Variants in SPMAP2L observed in about 807,000 individuals in gnomAD.
SPMAP2L encodes sperm microtubule associated protein 2 like.
the SPMAP2L span, chr4:56,603,086 G>A: frequency 7.5e-6 from 4 of 535,164 alleles, no homozygotes; most frequent in Non-Finnish European, 1.3e-5. Context: ...TCTGTATAGT[G>A]GAGGTCATGA....
chr4:56,618,030 G>A, the SPMAP2L span, among the ~76,000 whole-genome samples: 1 of 152,248 alleles, frequency 6.6e-6, no homozygotes, highest in Admixed American at 6.5e-5. Context: ...TTGTGTCTCT[G>A]CCTTGCTAGG....
the SPMAP2L span, among the ~76,000 whole-genome samples, chr4:56,573,639 T>G: frequency 6.6e-6 from 1 of 152,146 alleles, no homozygotes; most frequent in African/African-American, 2.4e-5. Context: ...ATTCCCAAAC[T>G]GAACTGCCAT....
At chr4:56,619,187 A>T in the SPMAP2L span, among the ~76,000 whole-genome samples, 1 of 152,228 alleles carries the variant, frequency 6.6e-6, no homozygotes, top group African/African-American at 2.4e-5. Context: ...AAAGTTATGT[A>T]AATGTGGTTT....
the SPMAP2L span, chr4:56,593,229 T>C: frequency 3.1e-6 from 4 of 1,301,152 alleles, no homozygotes; most frequent in Non-Finnish European, 4.5e-6. Flanking sequence ...GGCCTGGACA[T>C]GGCCAGTGCA....
At chr4:56,611,643 T>C in the SPMAP2L span, among the ~76,000 whole-genome samples, 4 of 152,136 alleles carry the variant, frequency 2.6e-5, no homozygotes, top group African/African-American at 9.7e-5. Flanking sequence ...AGGCCACATA[T>C]GGCAACAGAA....
chr4:56,548,738 T>C, the SPMAP2L span: 2 of 1,295,880 alleles, frequency 1.5e-6, no homozygotes, highest in Non-Finnish European at 2.1e-6. Flanking sequence ...CTTAATCATA[T>C]CTTTGATTCC....
the SPMAP2L span, among the ~76,000 whole-genome samples, chr4:56,600,097 C>CT: frequency 0.015 from 1,301 of 87,766 alleles, 81 homozygotes; most frequent in African/African-American, 0.03. Flanking sequence ...TCTTTGCTTT[C>CT]TTTTTTTTTT....
the SPMAP2L span, among the ~76,000 whole-genome samples, chr4:56,604,050 C>T: frequency 6.6e-6 from 1 of 152,058 alleles, no homozygotes; most frequent in South Asian, 2.1e-4. Flanking sequence ...TTTTATGGGG[C>T]ATATCTAGAT....
At chr4:56,594,493 T>A in the SPMAP2L span, 1 of 1,607,728 alleles carries the variant, frequency 6.2e-7, no homozygotes, top group Non-Finnish European at 8.5e-7. Flanking sequence ...ACCAGGTCTG[T>A]TTCCAGCCAA....
At chr4:56,585,222 TA>T in the SPMAP2L span, among the ~76,000 whole-genome samples, 1 of 151,464 alleles carries the variant, frequency 6.6e-6, no homozygotes, top group Admixed American at 6.6e-5. Flanking sequence ...CACCCACTCA[TA>T]AAATTAGATT....
chr4:56,618,906 A>AGGGCCATATGTCCT, the SPMAP2L span, among the ~76,000 whole-genome samples: 1 of 152,170 alleles, frequency 6.6e-6, no homozygotes, highest in South Asian at 2.1e-4. Context: ...TCTGTGCAGG[A>AGGGCCATATGTCCT]GGGCCATATG....
At chr4:56,536,435 C>A in the SPMAP2L span, among the ~76,000 whole-genome samples, 1 of 152,180 alleles carries the variant, frequency 6.6e-6, no homozygotes, top group Non-Finnish European at 1.5e-5. Context: ...GCATTATTGG[C>A]CTGCTCATTT....
At chr4:56,559,423 C>T in the SPMAP2L span, 100 of 1,526,278 alleles carry the variant, frequency 6.6e-5, 1 homozygote, top group South Asian at 8.0e-4. Flanking sequence ...AGATCCTATT[C>T]GCCCTGTTTC....
At chr4:56,538,236 CTCAG>C in the SPMAP2L span, among the ~76,000 whole-genome samples, 10 of 152,252 alleles carry the variant, frequency 6.6e-5, no homozygotes, top group East Asian at 1.9e-3. Flanking sequence ...CTCACTTGGT[CTCAG>C]TCATACTGGC....
chr4:56,550,485 G>A, the SPMAP2L span, among the ~76,000 whole-genome samples: 3 of 152,154 alleles, frequency 2.0e-5, no homozygotes, highest in South Asian at 6.2e-4. Flanking sequence ...ACTTTCCCAA[G>A]GTTGTCAGGT....
chr4:56,551,183 C>T, the SPMAP2L span, among the ~76,000 whole-genome samples: 3 of 152,202 alleles, frequency 2.0e-5, no homozygotes, highest in South Asian at 6.2e-4. Flanking sequence ...CATTAAAGAG[C>T]TCAGGCAAGT....
chr4:56,535,519 T>C, the SPMAP2L span, among the ~76,000 whole-genome samples: 2 of 152,046 alleles, frequency 1.3e-5, no homozygotes, highest in African/African-American at 4.8e-5. Context: ...ATCATGACCC[T>C]CTCATGCAGA....
chr4:56,571,400 C>A, the SPMAP2L span, among the ~76,000 whole-genome samples: 1 of 151,118 alleles, frequency 6.6e-6, no homozygotes, highest in Non-Finnish European at 1.5e-5. Context: ...GTAACCGCAG[C>A]CTCCTGGGCT....
the SPMAP2L span, among the ~76,000 whole-genome samples, chr4:56,619,015 G>C: frequency 6.6e-6 from 1 of 152,100 alleles, no homozygotes; most frequent in Admixed American, 6.5e-5. Flanking sequence ...TGGCTTATTT[G>C]CTTTATCTCT....
Sources: allele counts gnomAD v4.1 joint callset (sites outside exome capture counted in the v4.1 genomes callset), GRCh38; gene constraint gnomAD v4.1.1; transcripts MANE v1.5; gene names NCBI Gene and HGNC (gene_info 2026-07-23, HGNC 2026-07-21).